The following PDE10A variants were observed in gnomAD, a reference collection of about 807,000 sequenced individuals.
PDE10A encodes cAMP and cAMP-inhibited cGMP 3',5'-cyclic phosphodiesterase 10A.
PDE10A carries 39 observed loss-of-function variants against 97.7 expected under a neutral mutation model. The observed-to-expected ratio is 0.40, with a 90% CI of 0.31 to 0.52. The LOEUF is 0.52. Among genes scored for constraint, PDE10A ranks in the 20% least tolerant of loss-of-function variants. The pLI is 0.56. For synonymous variants in PDE10A, 371 were observed against 376.8 expected, an observed-to-expected ratio of 0.98 and a Z score of 0.18; for missense variants, 731 against 1,047.8, an observed-to-expected ratio of 0.70 and a Z score of 4.17.
intron 1 of PDE10A, among the ~76,000 whole-genome samples, chr6:165,967,631 T>A (rs751208529): frequency 3.3e-5 from 5 of 152,208 alleles, no homozygotes; most frequent in Non-Finnish European, 7.3e-5. Flanking sequence ...AGAAATAGCA[T>A]CTGTACATGA....
At chr6:165,352,247 T>C (rs1782740493) in intron 18 of PDE10A, among the ~76,000 whole-genome samples, 1 of 152,230 alleles carries the variant, frequency 6.6e-6, no homozygotes, top group Non-Finnish European at 1.5e-5. Flanking sequence ...TATCTACTTA[T>C]GGTACAGAAA....
At chr6:165,858,704 T>C (rs1780817423) in intron 1 of PDE10A, among the ~76,000 whole-genome samples, 1 of 152,200 alleles carries the variant, frequency 6.6e-6, no homozygotes, top group Non-Finnish European at 1.5e-5. Flanking sequence ...TGTGGTGCCC[T>C]AGAAGACATC....
chr6:165,625,100 G>A (rs1005937585), intron 1 of PDE10A, among the ~76,000 whole-genome samples: 10 of 148,706 alleles, frequency 6.7e-5, no homozygotes, highest in African/African-American at 5.2e-5. Context: ...AGAGACGGCC[G>A]AGTGGCAGAG....
At chr6:165,553,104 G>A (rs562480911) in intron 1 of PDE10A, among the ~76,000 whole-genome samples, 22 of 152,132 alleles carry the variant, frequency 1.4e-4, no homozygotes, top group Admixed American at 4.6e-4. Flanking sequence ...TTCATCTAAA[G>A]AGTTTAAATA....
chr6:165,396,384 T>C lies in PDE10A; in HGVS notation c.2152A>G (p.Thr718Ala). 2 of 1,613,544 alleles carry C rather than the reference T, an allele frequency of 1.2e-6. No individual in the cohort carries two copies. The highest frequency in any genetic ancestry group is 1.7e-6 in the Non-Finnish European group (2 of 1,179,674). ...MEKLSYHSIC[T>A]SEEWQGLMQF... The stretch of plus-strand genomic sequence containing the variant: ...ATGAGACCTTGCCACTCTTCTGAAG[T>C]ACAAATGCTATGGTAGGACAGCTTT... Residue 718 changes from threonine (T) to alanine (A), a missense_variant, in exon 14 of 22, where the codon ACT becomes GCT. Thr to Ala is a moderately conservative substitution (Grantham distance 58, BLOSUM62 0). Coordinates refer to ENST00000539869, the MANE Select transcript of PDE10A (RefSeq NM_001385079.1).
At chr6:165,401,728 G>A (rs1002505728) in intron 13 of PDE10A, among the ~76,000 whole-genome samples, 1 of 152,180 alleles carries the variant, frequency 6.6e-6, no homozygotes, top group African/African-American at 2.4e-5. Context: ...GGCCCACTCT[G>A]TGAGAGGAGA....
At chr6:165,635,545 C>T (rs1210078798) in intron 1 of PDE10A, among the ~76,000 whole-genome samples, 1 of 152,114 alleles carries the variant, frequency 6.6e-6, no homozygotes, top group Non-Finnish European at 1.5e-5. Context: ...TTACGCTATC[C>T]AAGCAAACAA....
At chr6:165,499,885 G>T (rs1780763502) in intron 2 of PDE10A, among the ~76,000 whole-genome samples, 1 of 152,150 alleles carries the variant, frequency 6.6e-6, no homozygotes, top group South Asian at 2.1e-4. Context: ...GGGAAAAAAA[G>T]TCAATGTTCA....
At chr6:165,882,394 A>T (rs1781506890) in intron 1 of PDE10A, among the ~76,000 whole-genome samples, 1 of 152,240 alleles carries the variant, frequency 6.6e-6, no homozygotes, top group Non-Finnish European at 1.5e-5. Context: ...CTGATCATTA[A>T]TACCATTGTG....
chr6:165,392,182 TG>T (rs1376943313), intron 16 of PDE10A, among the ~76,000 whole-genome samples: 2 of 152,242 alleles, frequency 1.3e-5, no homozygotes, highest in African/African-American at 2.4e-5. Context: ...TCACTAACTC[TG>T]GGTATTTAAA....
Position 165,328,976 on chromosome 6 carries a change from C to T in PDE10A, c.*4049G>A, listed in dbSNP as rs1334396161. 5 of 152,248 alleles carry T rather than the reference C, an allele frequency of 3.3e-5. No homozygotes were observed. The highest frequency in any genetic ancestry group is 6.5e-5 in the Admixed American group (1 of 15,300). The allele number at this position is 152,248 out of a possible 1,614,324, so 9.4% of individuals were successfully genotyped here. A position where few individuals can be genotyped will look rare whatever the true frequency, so the allele number is the denominator to read the frequency against. The stretch of plus-strand genomic sequence containing the variant: ...CGCTGAAAGCATGGGGAAACTATAA[C>T]GGATGACATACTTGGCTGATTTACA... On this transcript the variant is annotated 3_prime_UTR_variant, in exon 22 of 22. Transcript: ENST00000539869.
At chr6:165,350,437 G>A (rs541370033) in intron 18 of PDE10A, among the ~76,000 whole-genome samples, 1 of 152,298 alleles carries the variant, frequency 6.6e-6, no homozygotes, top group African/African-American at 2.4e-5. Context: ...TTGTGTCTAG[G>A]AAGTAACTGA....
chr6:165,411,043 C>G (rs1245160095), intron 13 of PDE10A, among the ~76,000 whole-genome samples: 1 of 100,976 alleles, frequency 9.9e-6, no homozygotes, highest in Non-Finnish European at 1.9e-5. Context: ...GCCGAGACAG[C>G]GCCACTGCCC....
chr6:165,484,733 C>A (rs1039540856), intron 2 of PDE10A, among the ~76,000 whole-genome samples: 4 of 152,224 alleles, frequency 2.6e-5, no homozygotes, highest in Non-Finnish European at 4.4e-5. Context: ...GGCAAGTGAG[C>A]TGAGTGCTTC....
intron 2 of PDE10A, among the ~76,000 whole-genome samples, chr6:165,492,567 T>C (rs1395867329): frequency 6.6e-6 from 1 of 152,108 alleles, no homozygotes; most frequent in Non-Finnish European, 1.5e-5. Flanking sequence ...ATACACCACA[T>C]AAACAGAATC....
At chr6:165,380,102 TATA>T (rs539170256) in intron 17 of PDE10A, among the ~76,000 whole-genome samples, 23 of 152,330 alleles carry the variant, frequency 1.5e-4, no homozygotes, top group African/African-American at 5.3e-4. Flanking sequence ...TTAAAAACTT[TATA>T]ATAATTTATT....
intron 1 of PDE10A, among the ~76,000 whole-genome samples, chr6:165,777,303 C>T (rs886497546): frequency 2.6e-5 from 4 of 152,170 alleles, no homozygotes; most frequent in African/African-American, 4.8e-5. Context: ...GGAGAACAGA[C>T]AAAGATCACG....
chr6:165,652,256 G>A (rs1789721261), intron 1 of PDE10A, among the ~76,000 whole-genome samples: 1 of 151,850 alleles, frequency 6.6e-6, no homozygotes, highest in African/African-American at 2.4e-5. Flanking sequence ...CTTTTTTGTT[G>A]TTGTTCATTT....
intron 1 of PDE10A, 131 bp from the exon 2 acceptor site, chr6:165,543,699 G>C: frequency 4.7e-6 from 3 of 637,970 alleles, no homozygotes; most frequent in Non-Finnish European, 7.5e-6. Flanking sequence ...TGGAAAGAGC[G>C]GGAAGGGGAA....
Sources: gnomAD v4.1 joint callset for allele counts (sites outside exome capture counted in the v4.1 genomes callset) on GRCh38, gnomAD v4.1.1 for gene constraint, MANE v1.5 for transcripts, NCBI Gene and HGNC (gene_info 2026-07-23, HGNC 2026-07-21) for gene names.